The following DPP10 variants were observed in gnomAD, a reference collection of about 807,000 sequenced individuals.
DPP10 encodes inactive dipeptidyl peptidase 10.
Under a neutral mutation model 120.9 loss-of-function variants are expected in DPP10, and 33 were observed. The ratio of observed to expected loss-of-function variants is 0.27; its 90% CI spans 0.21 to 0.37. DPP10 has a LOEUF of 0.37. Ranked by LOEUF, DPP10 falls within the 10% of genes least tolerant of loss-of-function variation. DPP10 has a pLI of 1.00. For synonymous variants in DPP10, 337 were observed against 326.1 expected (o/e 1.03, Z -0.36); for missense variants, 816 against 942.8 (o/e 0.87, Z 1.76).
At chr2:114,633,214 C>G (rs1296135088) in intron 1 of DPP10, among the ~76,000 whole-genome samples, 1 of 142,128 alleles carries the variant, frequency 7.0e-6, no homozygotes, top group African/African-American at 2.8e-5. Context: ...TTTGTTTTCT[C>G]CTAACTTTAT....
chr2:115,451,169 G>T (rs534306069), intron 3 of DPP10, among the ~76,000 whole-genome samples: 1 of 151,830 alleles, frequency 6.6e-6, no homozygotes, highest in South Asian at 2.1e-4. Flanking sequence ...AAAAAATCTT[G>T]CCATCTGTTT....
At chr2:115,120,535 G>T (rs1425876953) in intron 1 of DPP10, among the ~76,000 whole-genome samples, 1 of 152,114 alleles carries the variant, frequency 6.6e-6, no homozygotes, top group Non-Finnish European at 1.5e-5. Context: ...CATAGCTAGG[G>T]GGCATGCCTA....
chr2:114,980,911 A>G (rs1187979709), intron 1 of DPP10, among the ~76,000 whole-genome samples: 1 of 152,126 alleles, frequency 6.6e-6, no homozygotes, highest in Non-Finnish European at 1.5e-5. Flanking sequence ...CATAGTATAG[A>G]AAAATATAGT....
At chr2:115,208,821 C>T (rs901519116) in intron 1 of DPP10, among the ~76,000 whole-genome samples, 2 of 152,086 alleles carry the variant, frequency 1.3e-5, no homozygotes, top group Non-Finnish European at 2.9e-5. Flanking sequence ...GCAGTGCCAA[C>T]ATCATCGTTT....
intron 1 of DPP10, among the ~76,000 whole-genome samples, chr2:115,222,966 T>C (rs1008968584): frequency 6.6e-5 from 10 of 152,156 alleles, no homozygotes; most frequent in African/African-American, 2.4e-4. Flanking sequence ...ATCAATGTAA[T>C]GAATATTTAT....
chr2:114,802,998 C>T (rs940035420), intron 1 of DPP10, among the ~76,000 whole-genome samples: 11 of 152,000 alleles, frequency 7.2e-5, no homozygotes, highest in Non-Finnish European at 1.5e-5. Flanking sequence ...ATGGCTGTGT[C>T]CCCACCCAAA....
intron 2 of DPP10, among the ~76,000 whole-genome samples, chr2:115,325,104 A>G (rs1012528092): frequency 7.9e-5 from 12 of 152,144 alleles, no homozygotes; most frequent in African/African-American, 2.4e-4. Context: ...AATTGTGAGA[A>G]TTACCGAAGT....
intron 1 of DPP10, among the ~76,000 whole-genome samples, chr2:115,194,478 T>C (rs899796376): frequency 6.6e-6 from 1 of 152,166 alleles, no homozygotes; most frequent in African/African-American, 2.4e-5. Context: ...TTCGTGCTTT[T>C]GGGTAAGTAT....
At chr2:115,730,249 G>A (rs892664244) in intron 8 of DPP10, among the ~76,000 whole-genome samples, 8 of 152,118 alleles carry the variant, frequency 5.3e-5, no homozygotes, top group African/African-American at 1.9e-4. Context: ...CAGTAAAAAG[G>A]AGGAAAGACT....
At chr2:115,284,356 C>T (rs969789835) in intron 1 of DPP10, among the ~76,000 whole-genome samples, 1 of 151,932 alleles carries the variant, frequency 6.6e-6, no homozygotes, top group African/African-American at 2.4e-5. Context: ...AGGGCTCATC[C>T]ACTTATAAAT....
chr2:115,367,620 T>A (rs1306346376), intron 3 of DPP10, among the ~76,000 whole-genome samples: 3 of 152,138 alleles, frequency 2.0e-5, no homozygotes, highest in Non-Finnish European at 4.4e-5. Flanking sequence ...TTTTTAAAGA[T>A]CCTAGGATTA....
chr2:115,772,932 C>G (rs1681653637), intron 13 of DPP10, among the ~76,000 whole-genome samples: 1 of 152,062 alleles, frequency 6.6e-6, no homozygotes, highest in Admixed American at 6.6e-5. Flanking sequence ...GTGGGTGAAT[C>G]CATTCACTTT....
chr2:115,034,717 T>G (rs1182179806), intron 1 of DPP10, among the ~76,000 whole-genome samples: 1 of 152,242 alleles, frequency 6.6e-6, no homozygotes, highest in Admixed American at 6.5e-5. Flanking sequence ...CAGTACTATT[T>G]GCCATTGACT....
At chr2:114,954,782 C>G (rs1230589598) in intron 1 of DPP10, among the ~76,000 whole-genome samples, 1 of 151,946 alleles carries the variant, frequency 6.6e-6, no homozygotes, top group African/African-American at 2.4e-5. Flanking sequence ...AAAGGAGATA[C>G]TACAGCTGAA....
At chr2:115,766,308 G>GTA (rs1680722727) in intron 12 of DPP10, among the ~76,000 whole-genome samples, 2 of 62,464 alleles carry the variant, frequency 3.2e-5, no homozygotes, top group African/African-American at 5.2e-5. Flanking sequence ...GTGTGTGTGT[G>GTA]TGTATATATA....
intron 1 of DPP10, among the ~76,000 whole-genome samples, chr2:114,733,375 G>A (rs1040705405): frequency 6.6e-6 from 1 of 152,054 alleles, no homozygotes; most frequent in African/African-American, 2.4e-5. Flanking sequence ...TGGGAATGGT[G>A]GTGATGTTCT....
chr2:115,244,233 TATATATAGAG>T (rs1167771394), intron 1 of DPP10, among the ~76,000 whole-genome samples: 736 of 44,334 alleles, frequency 0.017, 4 homozygotes, highest in Admixed American at 0.016. Flanking sequence ...TATATATATA[TATATATAGAG>T]AGAGAGAGAG....
chr2:115,623,134 C>T (rs57671440), intron 5 of DPP10, among the ~76,000 whole-genome samples: 2,595 of 152,168 alleles, frequency 0.017, 76 homozygotes, highest in African/African-American at 0.059. Flanking sequence ...CGTGAGCCAC[C>T]GTGCCCGGCT....
At chr2:114,527,197 G>T (rs551058615) in intron 1 of DPP10, among the ~76,000 whole-genome samples, 1 of 152,290 alleles carries the variant, frequency 6.6e-6, no homozygotes, top group South Asian at 2.1e-4. Flanking sequence ...TTTGTGACTA[G>T]CTTTGTGTTA....
Sources: allele counts gnomAD v4.1 joint callset (sites outside exome capture counted in the v4.1 genomes callset), GRCh38; gene constraint gnomAD v4.1.1; transcripts MANE v1.5; gene names NCBI Gene and HGNC (gene_info 2026-07-23, HGNC 2026-07-21).